The following DOCK7 variants were observed in gnomAD, a reference collection of about 807,000 sequenced individuals.
DOCK7 encodes the protein dedicator of cytokinesis protein 7.
DOCK7 carries 138 observed loss-of-function variants against 271.0 expected under a neutral mutation model. The observed-to-expected ratio is 0.51, with a 90% CI of 0.44 to 0.59. The LOEUF is 0.59. Among genes scored for constraint, DOCK7 ranks in the 20% least tolerant of loss-of-function variants. The probability of loss-of-function intolerance (pLI) is 0.00; values close to 1 mark genes in which losing one functional copy is unlikely to be tolerated. For missense variants in DOCK7, 2,066 were observed against 2,592.4 expected (o/e 0.80, Z 4.41); for synonymous variants, 823 against 876.1 (o/e 0.94, Z 1.07).
intron 29 of DOCK7, among the ~76,000 whole-genome samples, chr1:62,532,864 G>A (rs1645220187): frequency 6.6e-6 from 1 of 152,192 alleles, no homozygotes; most frequent in South Asian, 2.1e-4. Context: ...CTTAGTATAT[G>A]AGGAGGAAGA....
intron 4 of DOCK7, among the ~76,000 whole-genome samples, chr1:62,648,789 T>C (rs751546803): frequency 6.6e-6 from 1 of 152,144 alleles, no homozygotes. Flanking sequence ...ATCATGTGTA[T>C]ATAAATTAAG....
intron 15 of DOCK7, among the ~76,000 whole-genome samples, chr1:62,583,798 T>C (rs546964834): frequency 6.6e-6 from 1 of 152,256 alleles, no homozygotes; most frequent in South Asian, 2.1e-4. Flanking sequence ...TTTGCATATA[T>C]ATATATTTTT....
intron 8 of DOCK7, among the ~76,000 whole-genome samples, chr1:62,636,056 T>G (rs1445194411): frequency 2.0e-5 from 3 of 152,194 alleles, no homozygotes; most frequent in African/African-American, 7.2e-5. Context: ...ATCGAGATCA[T>G]CCTGGCTAAC....
intron 48 of DOCK7, among the ~76,000 whole-genome samples, chr1:62,473,212 T>C (rs1448176805): frequency 6.6e-6 from 1 of 152,078 alleles, no homozygotes; most frequent in Admixed American, 6.6e-5. Flanking sequence ...TATCTTTACT[T>C]TATAGATTAG....
chr1:62,671,329 G>T (rs1002839374), intron 1 of DOCK7, among the ~76,000 whole-genome samples: 2 of 152,188 alleles, frequency 1.3e-5, no homozygotes, highest in African/African-American at 4.8e-5. Flanking sequence ...AAAAACACAG[G>T]AATAGAAAAG....
chr1:62,508,130 C>A, intron 34 of DOCK7, 72 bp from the exon 35 acceptor site: 2 of 1,302,104 alleles, frequency 1.5e-6, no homozygotes, highest in East Asian at 2.7e-5. Flanking sequence ...CTTAAGGATG[C>A]ATAGAAATAA....
intron 43 of DOCK7, chr1:62,485,188 G>C (rs1416989043): frequency 1.0e-6 from 1 of 985,104 alleles, no homozygotes; most frequent in Non-Finnish European, 1.2e-6. Context: ...CTACTATTTC[G>C]AGGGAAAAGT....
intron 31 of DOCK7, among the ~76,000 whole-genome samples, chr1:62,518,184 C>T (rs762566016): frequency 2.6e-5 from 4 of 152,058 alleles, no homozygotes; most frequent in Non-Finnish European, 4.4e-5. Context: ...GCCTGTAATC[C>T]CAGCACTTTG....
chr1:62,505,511 A>G (rs1646912869), intron 36 of DOCK7, among the ~76,000 whole-genome samples, 171 bp downstream of exon 36: 1 of 152,238 alleles, frequency 6.6e-6, no homozygotes, highest in Non-Finnish European at 1.5e-5. Context: ...GGCAGGCAGC[A>G]GTAGAGAGGC....
chr1:62,604,160 GA>G, intron 14 of DOCK7: 1 of 1,613,306 alleles, frequency 6.2e-7, no homozygotes, highest in Middle Eastern at 1.7e-4. Flanking sequence ...TGCAATCCCG[GA>G]AAACAAAGAT....
chr1:62,669,822 G>A (rs1188321619), intron 1 of DOCK7, among the ~76,000 whole-genome samples: 1 of 152,250 alleles, frequency 6.6e-6, no homozygotes, highest in Non-Finnish European at 1.5e-5. Flanking sequence ...CCACTGCACT[G>A]TGGGAGCCCC....
intron 42 of DOCK7, 110 bp from the exon 43 acceptor site, chr1:62,487,522 C>A: frequency 1.1e-6 from 1 of 921,618 alleles, no homozygotes; most frequent in Non-Finnish European, 1.7e-6. Context: ...CAGAAGACAG[C>A]AGGATATTTT....
chr1:62,498,455 G>A (rs573466408), intron 37 of DOCK7, among the ~76,000 whole-genome samples: 2 of 152,106 alleles, frequency 1.3e-5, no homozygotes, highest in South Asian at 4.2e-4. Context: ...AGTACCCTGT[G>A]CTTATCTCGC....
chr1:62,556,821 G>T (rs759507956), intron 20 of DOCK7, among the ~76,000 whole-genome samples: 2 of 152,128 alleles, frequency 1.3e-5, no homozygotes, highest in Non-Finnish European at 2.9e-5. Flanking sequence ...CATTTAGGAA[G>T]ATTAATCTAT....
chr1:62,464,597 G>C (rs184958280), intron 48 of DOCK7, among the ~76,000 whole-genome samples: 1 of 151,778 alleles, frequency 6.6e-6, no homozygotes. Context: ...AAGGAGAATC[G>C]CTTGAACCCG....
At chr1:62,477,976 CAAAGT>C in intron 43 of DOCK7, 151 bp from the exon 44 acceptor site, 1 of 851,574 alleles carries the variant, frequency 1.2e-6, no homozygotes, top group Non-Finnish European at 1.7e-6. Flanking sequence ...AAGGTTTAAA[CAAAGT>C]AAACAGTCTT....
chr1:62,597,616 C>T (rs758931786), intron 14 of DOCK7: 1 of 1,612,814 alleles, frequency 6.2e-7, no homozygotes, highest in Admixed American at 1.7e-5. Context: ...GTTATTTCCT[C>T]CAGAATTGAT....
At chr1:62,498,224 C>A (rs1370055719) in intron 37 of DOCK7, among the ~76,000 whole-genome samples, 2 of 152,086 alleles carry the variant, frequency 1.3e-5, no homozygotes, top group African/African-American at 4.8e-5. Flanking sequence ...AAGACCTCAT[C>A]TCCCAAAATT....
chr1:62,465,369 GAAAA>G (rs980580989), intron 48 of DOCK7, among the ~76,000 whole-genome samples: 17 of 151,924 alleles, frequency 1.1e-4, no homozygotes, highest in African/African-American at 4.1e-4. Context: ...CCAAGCAGCA[GAAAA>G]AAGTTACATT....
Sources: gnomAD v4.1 joint callset for allele counts (sites outside exome capture counted in the v4.1 genomes callset) on GRCh38, gnomAD v4.1.1 for gene constraint, MANE v1.5 for transcripts, NCBI Gene and HGNC (gene_info 2026-07-23, HGNC 2026-07-21) for gene names.